DOK6: variants seen among roughly 807,000 people sequenced by gnomAD.
The protein encoded by DOK6 is downstream of tyrosine kinase 6.
DOK6 carries 22 observed loss-of-function variants against 44.0 expected under a neutral mutation model. The ratio of observed to expected loss-of-function variants is 0.50; its 90% CI spans 0.36 to 0.71. DOK6 has a LOEUF of 0.71. DOK6 is among the 30% of genes least tolerant of loss of function. The pLI is 0.00. For missense variants in DOK6, 340 were observed against 416.4 expected, an observed-to-expected ratio of 0.82 and a Z score of 1.60; for synonymous variants, 166 against 145.5, an observed-to-expected ratio of 1.14 and a Z score of -1.01.
At chr18:69,497,151 G>T (rs1393556386) in intron 1 of DOK6, among the ~76,000 whole-genome samples, 3 of 152,150 alleles carry the variant, frequency 2.0e-5, no homozygotes, top group Non-Finnish European at 4.4e-5. Flanking sequence ...GCAGATTAGG[G>T]TAAATATGTA....
intron 2 of DOK6, 89 bp from the exon 3 acceptor site, chr18:69,599,295 A>C: frequency 1.1e-6 from 1 of 920,628 alleles, no homozygotes; most frequent in Admixed American, 2.8e-5. Context: ...AAATTCATGT[A>C]AGACTGTGAT....
chr18:69,838,575 A>G (rs1982116706), intron 7 of DOK6, among the ~76,000 whole-genome samples: 1 of 152,132 alleles, frequency 6.6e-6, no homozygotes, highest in Non-Finnish European at 1.5e-5. Flanking sequence ...TTAATACTCA[A>G]AAGGATCATA....
intron 3 of DOK6, among the ~76,000 whole-genome samples, chr18:69,668,275 CT>C (rs1426031686): frequency 6.6e-6 from 1 of 152,060 alleles, no homozygotes; most frequent in Non-Finnish European, 1.5e-5. Context: ...CTTTTTACTG[CT>C]TTTTTAGTGG....
At position 69,493,248 on chromosome 18, in the gene DOK6, C is replaced by T. The variant is rs139102871; in HGVS notation, c.67-71239C>T. On this transcript the variant is annotated intron_variant, in intron 1 of 7. Coordinates refer to ENST00000382713, the MANE Select transcript of DOK6 (RefSeq NM_152721.6). ...TTATTTAATCCCTTTTGTAAACTTA[C>T]ACGTTTGGCATGGCTAATTGTATAT... 3.9e-3 allele frequency among the ~76,000 whole-genome samples: 594 copies of T among 152,240 alleles called. 1 individual carries two copies. Among genetic ancestry groups the T allele is most frequent in the Non-Finnish European group, 6.4e-3 (435 of 68,014 alleles).
At chr18:69,781,602 T>G (rs1487201439) in intron 7 of DOK6, among the ~76,000 whole-genome samples, 1 of 152,222 alleles carries the variant, frequency 6.6e-6, no homozygotes, top group Non-Finnish European at 1.5e-5. Context: ...TTGTATATTC[T>G]AGGAGTAATT....
At chr18:69,512,073 G>T (rs8082850) in intron 1 of DOK6, among the ~76,000 whole-genome samples, 6,390 of 150,724 alleles carry the variant, frequency 0.042, 201 homozygotes, top group Admixed American at 0.092. Context: ...GTTCATCATC[G>T]CCCCATCCCC....
chr18:69,446,524 C>A (rs1488902264), intron 1 of DOK6, among the ~76,000 whole-genome samples: 1 of 152,066 alleles, frequency 6.6e-6, no homozygotes, highest in African/African-American at 2.4e-5. Context: ...CATACATGTA[C>A]ATGTGTCTTT....
intron 1 of DOK6, among the ~76,000 whole-genome samples, chr18:69,434,595 T>C (rs1016394846): frequency 2.7e-4 from 35 of 131,120 alleles, no homozygotes; most frequent in Non-Finnish European, 4.8e-4. Context: ...TCGAGACCAT[T>C]CTGGCCGACA....
intron 6 of DOK6, among the ~76,000 whole-genome samples, chr18:69,754,945 A>G (rs1979307622): frequency 6.6e-6 from 1 of 152,206 alleles, no homozygotes; most frequent in Non-Finnish European, 1.5e-5. Context: ...CTCTATTTTA[A>G]AAGTCCAGGG....
chr18:69,520,547 C>G (rs1451262207), intron 1 of DOK6, among the ~76,000 whole-genome samples: 1 of 151,778 alleles, frequency 6.6e-6, no homozygotes, highest in Middle Eastern at 3.2e-3. Context: ...TTTTTGAGCA[C>G]CAACATGATG....
intron 3 of DOK6, among the ~76,000 whole-genome samples, chr18:69,649,825 A>C (rs1239009781): frequency 1.3e-5 from 2 of 152,156 alleles, no homozygotes; most frequent in African/African-American, 4.8e-5. Context: ...CAAGTATATA[A>C]ATCTTTATGA....
intron 1 of DOK6, among the ~76,000 whole-genome samples, chr18:69,409,173 G>A (rs1223898017): frequency 6.6e-6 from 1 of 152,078 alleles, no homozygotes; most frequent in Admixed American, 6.5e-5. Context: ...GTCTCCTGCC[G>A]CCCTGTGAAG....
At chr18:69,781,570 C>T (rs1156969495) in intron 7 of DOK6, 1 of 152,130 alleles carries the variant, frequency 6.6e-6, no homozygotes, top group African/African-American at 2.4e-5. Context: ...TACTCTATTA[C>T]TAACCGTTTC....
chr18:69,614,223 ATC>A (rs1450570714), intron 3 of DOK6, among the ~76,000 whole-genome samples: 1 of 152,038 alleles, frequency 6.6e-6, no homozygotes, highest in African/African-American at 2.4e-5. Context: ...TTCCAGAGGA[ATC>A]TCTGTAGTTT....
intron 3 of DOK6, among the ~76,000 whole-genome samples, chr18:69,623,965 A>G: frequency 6.6e-6 from 1 of 152,152 alleles, no homozygotes; most frequent in Non-Finnish European, 1.5e-5. Flanking sequence ...ATTAGACATG[A>G]TAGACATAGA....
chr18:69,576,088 A>G (rs990741580), intron 2 of DOK6, among the ~76,000 whole-genome samples: 17 of 152,114 alleles, frequency 1.1e-4, no homozygotes, highest in Non-Finnish European at 2.4e-4. Flanking sequence ...ACATTGGCCA[A>G]GTTGTAAATT....
chr18:69,408,179 G>C (rs1978292432), intron 1 of DOK6, among the ~76,000 whole-genome samples: 1 of 152,088 alleles, frequency 6.6e-6, no homozygotes, highest in Non-Finnish European at 1.5e-5. Flanking sequence ...CACCACTTTG[G>C]AGTATATATA....
intron 4 of DOK6, 31 bp from the exon 5 acceptor site, chr18:69,698,373 T>C (rs1393273176): frequency 6.3e-7 from 1 of 1,576,162 alleles, no homozygotes; most frequent in Non-Finnish European, 8.6e-7. Flanking sequence ...CTCTTTTCAC[T>C]TAACCTTCTC....
chr18:69,686,473 T>A (rs557179744), intron 4 of DOK6, among the ~76,000 whole-genome samples: 1 of 152,288 alleles, frequency 6.6e-6, no homozygotes, highest in East Asian at 1.9e-4. Context: ...AAGCTCCACA[T>A]TTTTCTTTGA....
Sources: gnomAD v4.1 joint callset for allele counts (sites outside exome capture counted in the v4.1 genomes callset) on GRCh38, gnomAD v4.1.1 for gene constraint, MANE v1.5 for transcripts, NCBI Gene and HGNC (gene_info 2026-07-23, HGNC 2026-07-21) for gene names.